EIF4E3: variants seen among roughly 807,000 people sequenced by gnomAD.
The protein encoded by EIF4E3 is eukaryotic translation initiation factor 4E family member 3, also known as eukaryotic translation initiation factor 4E type 3.
A neutral mutation model predicts 31.7 loss-of-function variants in EIF4E3; 26 were observed. That is an observed-to-expected ratio of 0.82 (90% CI 0.60 to 1.14). The LOEUF is 1.14. EIF4E3 is among the 50% of genes most tolerant of loss of function. The pLI, the probability that EIF4E3 is intolerant of heterozygous loss-of-function variation, is 0.00. For missense variants in EIF4E3, 304 were observed against 270.9 expected, an observed-to-expected ratio of 1.12 and a Z score of -0.86; for synonymous variants, 128 against 107.7, an observed-to-expected ratio of 1.19 and a Z score of -1.17.
intron 1 of EIF4E3, among the ~76,000 whole-genome samples, chr3:71,735,380 G>A (rs574222979): frequency 1.3e-5 from 2 of 152,292 alleles, no homozygotes; most frequent in African/African-American, 4.8e-5. Flanking sequence ...GCATAGTGAA[G>A]GGTGGGAGAA....
At chr3:71,670,010 C>T in the EIF4E3 span, among the ~76,000 whole-genome samples, 1 of 152,226 alleles carries the variant, frequency 6.6e-6, no homozygotes, top group Admixed American at 6.5e-5. Context: ...TTTAAAACCA[C>T]AAACCTTCAG....
chr3:71,745,839 C>CT (rs1169967899), intron 1 of EIF4E3, among the ~76,000 whole-genome samples: 1 of 152,062 alleles, frequency 6.6e-6, no homozygotes, highest in Non-Finnish European at 1.5e-5. Context: ...TTAAGAAGGC[C>CT]TTTTTTTCTC....
At chr3:71,704,499 T>C (rs774416662) in intron 2 of EIF4E3, among the ~76,000 whole-genome samples, 27 of 152,202 alleles carry the variant, frequency 1.8e-4, no homozygotes, top group Non-Finnish European at 3.4e-4. Flanking sequence ...CACAACCTTA[T>C]AGAGTTCCCC....
At chr3:71,662,346 A>G in the EIF4E3 span, among the ~76,000 whole-genome samples, 1 of 152,202 alleles carries the variant, frequency 6.6e-6, no homozygotes, top group South Asian at 2.1e-4. Context: ...CTCTCGGCCA[A>G]CTCATCTGCA....
upstream of EIF4E3, chr3:71,754,538 T>G (rs1324574686): frequency 1.5e-6 from 2 of 1,345,702 alleles, no homozygotes; most frequent in East Asian, 6.5e-5. This position sits in a 1 kb window ranked among gnomAD's most constrained non-coding sequence, Gnocchi z 5.8. Flanking sequence ...TGGACGGCGG[T>G]GGCGACGACG....
chr3:71,714,344 G>A (rs2049433754), intron 1 of EIF4E3, among the ~76,000 whole-genome samples: 1 of 152,032 alleles, frequency 6.6e-6, no homozygotes, highest in Admixed American at 6.6e-5. Flanking sequence ...AAGAGAAAAA[G>A]GAAGGACAAA....
upstream of EIF4E3, among the ~76,000 whole-genome samples, chr3:71,729,784 T>G (rs578082014): frequency 3.4e-4 from 46 of 137,254 alleles, no homozygotes; most frequent in Middle Eastern, 7.2e-3. Context: ...TCTGGGAGCC[T>G]ACATTCCAAT....
At position 71,710,398 on chromosome 3, in the gene EIF4E3, T is replaced by C. The variant is rs2049358580; in HGVS notation, c.249+14A>G. 6.4e-7 allele frequency: 1 copy of C among 1,551,666 alleles called. No individual in the cohort carries two copies. The highest frequency in any genetic ancestry group is 1.2e-5 in the South Asian group (1 of 84,062). On this transcript the variant is annotated intron_variant, in intron 2 of 6. Coordinates refer to ENST00000425534, the MANE Select transcript of EIF4E3 (RefSeq NM_001134651.2). ...GTGCCGTGTTAATCCAGTTAGTCCCTCTCTTGATCTTACCTGTACTGTCTG... is the reference window on the plus strand; with the variant it reads ...GTGCCGTGTTAATCCAGTTAGTCCCCCTCTTGATCTTACCTGTACTGTCTG...
At chr3:71,752,945 G>A (rs1221677798) in intron 1 of EIF4E3, among the ~76,000 whole-genome samples, 2 of 151,436 alleles carry the variant, frequency 1.3e-5, no homozygotes, top group African/African-American at 4.9e-5. Flanking sequence ...TATCCTGGGA[G>A]GAAGGTGGCA....
chr3:71,750,117 A>G (rs992650685), intron 1 of EIF4E3, among the ~76,000 whole-genome samples: 3 of 152,252 alleles, frequency 2.0e-5, no homozygotes, highest in African/African-American at 7.2e-5. Flanking sequence ...ATTTTAAGTT[A>G]TAAGGAATTA....
At chr3:71,692,322 T>C (rs919950741) in intron 5 of EIF4E3, among the ~76,000 whole-genome samples, 2 of 152,212 alleles carry the variant, frequency 1.3e-5, no homozygotes, top group Non-Finnish European at 2.9e-5. Flanking sequence ...GAAGAGCTAA[T>C]GGTTAATAGT....
At chr3:71,722,566 C>A (rs886216083) in intron 1 of EIF4E3, among the ~76,000 whole-genome samples, 5 of 152,302 alleles carry the variant, frequency 3.3e-5, no homozygotes, top group Admixed American at 3.3e-4. Flanking sequence ...CAGCCTGTAC[C>A]CCCAATCTAA....
chr3:71,745,522 G>C (rs1224938819), intron 1 of EIF4E3, among the ~76,000 whole-genome samples: 1 of 152,122 alleles, frequency 6.6e-6, no homozygotes, highest in Non-Finnish European at 1.5e-5. Flanking sequence ...TAATTCTCTA[G>C]AGTAGAAAGT....
chr3:71,665,153 G>T, the EIF4E3 span, among the ~76,000 whole-genome samples: 7 of 152,118 alleles, frequency 4.6e-5, no homozygotes, highest in Non-Finnish European at 1.0e-4. Context: ...CATGTTATAG[G>T]CTACTGAAAT....
At chr3:71,692,113 G>A (rs1334287180) in intron 5 of EIF4E3, among the ~76,000 whole-genome samples, 1 of 152,144 alleles carries the variant, frequency 6.6e-6, no homozygotes, top group Non-Finnish European at 1.5e-5. Context: ...GGTAAAAAAA[G>A]GCTGCAACTC....
downstream of EIF4E3, among the ~76,000 whole-genome samples, chr3:71,671,382 G>A (rs1376800017): frequency 6.6e-6 from 1 of 152,086 alleles, no homozygotes; most frequent in Non-Finnish European, 1.5e-5. Context: ...CACCCGTGTC[G>A]GAGAAGAGTG....
At chr3:71,669,761 G>A in the EIF4E3 span, among the ~76,000 whole-genome samples, 9 of 152,050 alleles carry the variant, frequency 5.9e-5, no homozygotes, top group African/African-American at 2.2e-4. Context: ...TCTGTCTGGA[G>A]TCTCCACATG....
intron 2 of EIF4E3, among the ~76,000 whole-genome samples, chr3:71,706,599 T>G (rs868679473): frequency 3.9e-5 from 6 of 152,156 alleles, no homozygotes; most frequent in Admixed American, 1.3e-4. Flanking sequence ...GGAACACAGC[T>G]TGAGGTCAGA....
chr3:71,720,256 C>T (rs1364569990), intron 1 of EIF4E3, among the ~76,000 whole-genome samples: 1 of 151,906 alleles, frequency 6.6e-6, no homozygotes, highest in African/African-American at 2.4e-5. Context: ...CATAGTTCAC[C>T]GCATCCTCAA....
Sources: gnomAD v4.1 joint callset for allele counts (sites outside exome capture counted in the v4.1 genomes callset) on GRCh38, gnomAD v4.1.1 for gene constraint, Gnocchi (gnomAD v3.1) non-coding constraint, MANE v1.5 for transcripts, NCBI Gene and HGNC (gene_info 2026-07-23, HGNC 2026-07-21) for gene names.